Variants in DAO observed in about 807,000 individuals in gnomAD.
DAO encodes D-amino acid oxidase.
A neutral mutation model predicts 50.1 loss-of-function variants in DAO; 51 were observed. The ratio of observed to expected loss-of-function variants is 1.02; its 90% CI spans 0.81 to 1.29. The LOEUF is 1.29. Ranked by LOEUF, DAO falls within the 50% of genes most tolerant of loss-of-function variation. DAO has a pLI of 0.00. For missense variants in DAO, 436 were observed against 439.4 expected, an observed-to-expected ratio of 0.99 and a Z score of 0.07; for synonymous variants, 160 against 166.2, an observed-to-expected ratio of 0.96 and a Z score of 0.29.
At chr12:108,895,530 A>G (rs1374554534) in intron 7 of DAO, among the ~76,000 whole-genome samples, 1 of 118,656 alleles carries the variant, frequency 8.4e-6, no homozygotes, top group Non-Finnish European at 1.6e-5. Context: ...CATGCACACC[A>G]TGTGAGGGTA....
At chr12:108,882,782 G>C (rs1482578546) in intron 1 of DAO, among the ~76,000 whole-genome samples, 2 of 152,182 alleles carry the variant, frequency 1.3e-5, no homozygotes, top group African/African-American at 4.8e-5. Context: ...CTGTCTCTTA[G>C]ATTCTTCATG....
chr12:108,900,087 T>A (rs2039605048), intron 10 of DAO: 1 of 378,144 alleles, frequency 2.6e-6, no homozygotes, highest in Non-Finnish European at 5.1e-6. Context: ...ATGCTTCGGA[T>A]GAGGAAACTG....
chr12:108,889,666 C>T (rs959682354), intron 4 of DAO, 121 bp downstream of exon 4: 2 of 768,270 alleles, frequency 2.6e-6, no homozygotes, highest in Non-Finnish European at 4.6e-6. Flanking sequence ...GTACCCTGGT[C>T]TCCTGGTCCT....
intron 1 of DAO, chr12:108,883,595 T>C (rs2039403887): frequency 2.2e-6 from 1 of 456,260 alleles, no homozygotes; most frequent in Admixed American, 2.4e-5. Context: ...ATTTAATCCT[T>C]AAAATGACCC....
At position 108,890,251 on chromosome 12, in the gene DAO, T is replaced by C. The variant is rs35388422; in HGVS notation, c.430T>C (p.Tyr144His). The C allele has an allele frequency of 4.3e-4, 686 of 1,613,700 alleles. 6 individuals carry two copies. The African/African-American group carries it at 8.0e-3, about 19-fold the overall frequency. The change falls in exon 5 of 11, where the codon TAT (tyrosine) becomes CAT (histidine). Residue 144 changes from tyrosine to histidine, a missense_variant. By Grantham distance (83) the Tyr-to-His change is moderately conservative. Coordinates refer to ENST00000228476, the MANE Select transcript of DAO (RefSeq NM_001917.5). ...AAGCCTAATTCTGGAGGGAAAGAAC[T>C]ATCTACAGTGGCTGACTGAAAGGTG... is the stretch of plus-strand genomic sequence containing the variant. ...HTSLILEGKN[Y>H]LQWLTERLTE...
chr12:108,885,502 C>T (rs1163089577), intron 2 of DAO, among the ~76,000 whole-genome samples: 2 of 151,900 alleles, frequency 1.3e-5, no homozygotes, highest in Non-Finnish European at 2.9e-5. Flanking sequence ...CCCAGCTACT[C>T]GGGAGGCTGA....
At chr12:108,889,252 T>C (rs1210655190) in intron 3 of DAO, among the ~76,000 whole-genome samples, 2 of 152,198 alleles carry the variant, frequency 1.3e-5, no homozygotes, top group East Asian at 1.9e-4. Context: ...ATTACAGGCA[T>C]GCACCACCAT....
At chr12:108,888,864 G>A (rs1325879774) in intron 3 of DAO, among the ~76,000 whole-genome samples, 3 of 152,046 alleles carry the variant, frequency 2.0e-5, no homozygotes, top group Non-Finnish European at 4.4e-5. Context: ...CATAAATAGG[G>A]GTTAAGAACA....
intron 5 of DAO, 144 bp from the exon 6 acceptor site, chr12:108,892,838 G>T: frequency 1.3e-6 from 1 of 755,178 alleles, no homozygotes; most frequent in Non-Finnish European, 2.4e-6. Flanking sequence ...GAGCTGATTT[G>T]ATGACACAGC....
intron 1 of DAO, among the ~76,000 whole-genome samples, chr12:108,884,356 T>A (rs768898753): frequency 6.6e-6 from 1 of 152,234 alleles, no homozygotes; most frequent in Non-Finnish European, 1.5e-5. Flanking sequence ...TCCTCCTCTG[T>A]AAGACGGGAC....
At chr12:108,882,100 A>G (rs1450482934) in intron 1 of DAO, among the ~76,000 whole-genome samples, 1 of 152,216 alleles carries the variant, frequency 6.6e-6, no homozygotes, top group African/African-American at 2.4e-5. Flanking sequence ...ATGGCATTTA[A>G]GCACCTAGGC....
Position 108,880,097 on chromosome 12 carries a change from C to A in DAO, c.-137C>A. 1 of 456,700 alleles carries A rather than the reference C, an allele frequency of 2.2e-6. No individual in the cohort carries two copies. Among genetic ancestry groups the A allele is most frequent in the Non-Finnish European group, 4.4e-6 (1 of 226,966 alleles). 28.3% of individuals were successfully genotyped at this position (456,700 alleles called of 1,614,324 possible). Reference sequence around the variant, plus strand: ...TAGCTCCAGACTTTGACCCTGCACTCCAGTCCGGGCTGGCGGACAGAGGGC... The same window carrying A: ...TAGCTCCAGACTTTGACCCTGCACTACAGTCCGGGCTGGCGGACAGAGGGC... On this transcript the variant is annotated 5_prime_UTR_variant, in exon 1 of 11. Transcript: ENST00000228476.
chr12:108,893,525 C>A (rs182183582), intron 6 of DAO, among the ~76,000 whole-genome samples: 4 of 152,244 alleles, frequency 2.6e-5, no homozygotes, highest in Admixed American at 2.6e-4. Context: ...CATCTAAAAC[C>A]CTGCTTGGCA....
intron 1 of DAO, chr12:108,883,708 G>A (rs2039404902): frequency 4.6e-6 from 2 of 430,850 alleles, no homozygotes; most frequent in Admixed American, 2.5e-5. Context: ...TCCCTGAGAG[G>A]GGCTGTCCCC....
At chr12:108,898,020 T>C (rs1196310591) in intron 8 of DAO, among the ~76,000 whole-genome samples, 2 of 151,844 alleles carry the variant, frequency 1.3e-5, no homozygotes, top group African/African-American at 4.8e-5. Context: ...CTGATGGTGA[T>C]GATAATGTTA....
intron 7 of DAO, among the ~76,000 whole-genome samples, chr12:108,896,585 C>T (rs2039562818): frequency 6.6e-6 from 1 of 151,910 alleles, no homozygotes; most frequent in Non-Finnish European, 1.5e-5. Flanking sequence ...TTGGTCAGGT[C>T]ATTGAGGGAG....
intron 1 of DAO, among the ~76,000 whole-genome samples, chr12:108,884,524 C>T (rs946186456): frequency 2.6e-5 from 4 of 152,194 alleles, no homozygotes; most frequent in Non-Finnish European, 4.4e-5. Context: ...AAATTTGTTA[C>T]GTTTGGCATC....
Position 108,884,983 on chromosome 12 carries a change from C to A in DAO, c.-9-15C>A. 1.2e-6 allele frequency: 2 copies of A among 1,613,094 alleles called. No homozygotes were observed. The highest frequency in any genetic ancestry group is 1.7e-6 in the Non-Finnish European group (2 of 1,179,122). On this transcript the variant is annotated splice_polypyrimidine_tract_variant and intron_variant, in intron 1 of 10. Coordinates refer to ENST00000228476, the MANE Select transcript of DAO (RefSeq NM_001917.5). ...GATGGTGATGATGTTGTGCCTCAAC[C>A]CTTCCTTCCCACAGGCTGCTGCAAT... is the stretch of plus-strand genomic sequence containing the variant.
At chr12:108,884,391 G>C (rs1331459668) in intron 1 of DAO, among the ~76,000 whole-genome samples, 1 of 152,194 alleles carries the variant, frequency 6.6e-6, no homozygotes, top group Non-Finnish European at 1.5e-5. Flanking sequence ...CCTACCTCAT[G>C]ACAGTGTTGG....
Sources: gnomAD v4.1 joint callset for allele counts (sites outside exome capture counted in the v4.1 genomes callset) on GRCh38, gnomAD v4.1.1 for gene constraint, MANE v1.5 for transcripts, NCBI Gene and HGNC (gene_info 2026-07-23, HGNC 2026-07-21) for gene names.